Variants in CSN2 observed in about 807,000 individuals in gnomAD.
CSN2 encodes casein beta.
Under a neutral mutation model 27.3 loss-of-function variants are expected in CSN2, and 27 were observed. The observed-to-expected ratio is 0.99, with a 90% CI of 0.73 to 1.36. CSN2 has a LOEUF of 1.36. Ranked by LOEUF, CSN2 falls within the 40% of genes most tolerant of loss-of-function variation. The pLI, the probability that CSN2 is intolerant of heterozygous loss-of-function variation, is 0.00. For synonymous variants in CSN2, 131 were observed against 94.8 expected (o/e 1.38, Z -2.22); for missense variants, 333 against 264.5 (o/e 1.26, Z -1.80).
Position 69,957,515 on chromosome 4 carries a change from A to G in CSN2, c.434T>C (p.Leu145Pro), listed in dbSNP as rs2109742078. Residue 145 changes from leucine to proline, a missense_variant, in exon 6 of 8, where the codon CTG becomes CCG. Leu to Pro is a moderately conservative substitution (Grantham distance 98, BLOSUM62 -3). Coordinates refer to ENST00000353151, the MANE Select transcript of CSN2 (RefSeq NM_001891.4). Reference protein sequence around the residue: ...DLENLHLPLPLLQPLMQQVPQ... With the variant: ...DLENLHLPLPPLQPLMQQVPQ... Reference sequence around the variant, plus strand: ...GACCTGCTGCATCAAGGGCTGGAGCAGAGGCAGAGGAAGATGCAGATTTTC... The same window carrying G: ...GACCTGCTGCATCAAGGGCTGGAGCGGAGGCAGAGGAAGATGCAGATTTTC... 1 of 1,613,988 alleles carries G rather than the reference A, an allele frequency of 6.2e-7. No homozygotes were observed. Among genetic ancestry groups the G allele is most frequent in the Non-Finnish European group, 8.5e-7 (1 of 1,180,002 alleles).
intron 2 of CSN2, 85 bp from the exon 3 acceptor site, chr4:69,960,164 A>G: frequency 7.8e-7 from 1 of 1,283,394 alleles, no homozygotes; most frequent in Non-Finnish European, 1.1e-6. Context: ...AATTTTCTCT[A>G]AAAAAATAAT....
At chr4:69,963,618 G>A (rs547140290) in intron 1 of CSN2, among the ~76,000 whole-genome samples, 91 of 152,176 alleles carry the variant, frequency 6.0e-4, no homozygotes, top group African/African-American at 2.1e-3. Context: ...GATAGCATTA[G>A]GAGATATACC....
chr4:69,963,933 C>T (rs1056567078), intron 1 of CSN2, among the ~76,000 whole-genome samples: 3 of 152,076 alleles, frequency 2.0e-5, no homozygotes, highest in African/African-American at 4.8e-5. Flanking sequence ...AAAATGTGTA[C>T]AAAAAAGTCA....
At chr4:69,959,984 A>G (rs1723518780) in intron 3 of CSN2, 69 bp downstream of exon 3, 3 of 1,396,010 alleles carry the variant, frequency 2.1e-6, no homozygotes, top group Non-Finnish European at 1.0e-6. Flanking sequence ...CTTAACTGCC[A>G]TGATGTAACA....
intron 6 of CSN2, among the ~76,000 whole-genome samples, chr4:69,956,675 A>G (rs1341018991): frequency 1.3e-5 from 2 of 152,192 alleles, no homozygotes; most frequent in Admixed American, 6.6e-5. Flanking sequence ...GGAAAATGAC[A>G]GAACATTTTT....
chr4:69,956,922 G>A (rs764815728), intron 6 of CSN2, among the ~76,000 whole-genome samples: 1 of 152,036 alleles, frequency 6.6e-6, no homozygotes, highest in Non-Finnish European at 1.5e-5. Context: ...TGATTCTATT[G>A]TATAGGTAAG....
At position 69,960,096 on chromosome 4, in the gene CSN2, T is replaced by A. The variant is rs1455336945; in HGVS notation, c.52-17A>T. 2 of 1,605,034 alleles carry A rather than the reference T, an allele frequency of 1.2e-6. No individual in the cohort carries two copies. The highest frequency in any genetic ancestry group is 1.1e-5 in the South Asian group (1 of 90,574). On this transcript the variant is annotated splice_polypyrimidine_tract_variant and intron_variant, in intron 2 of 7. Transcript: ENST00000353151. ...TTCTATGGTCTGTGGGAAAAAAAAA[T>A]TGACAACCAGCTAAATCTTCTAGAT...
chr4:69,956,848 A>G (rs1396626674), intron 6 of CSN2, among the ~76,000 whole-genome samples: 2 of 152,322 alleles, frequency 1.3e-5, no homozygotes, highest in African/African-American at 4.8e-5. Context: ...AAAAACTAGA[A>G]CAATTATATC....
At chr4:69,959,774 T>C (rs550580817) in intron 3 of CSN2, among the ~76,000 whole-genome samples, 42 of 151,834 alleles carry the variant, frequency 2.8e-4, no homozygotes, top group Non-Finnish European at 5.2e-4. Context: ...GGTGAATAAG[T>C]TCAGAGTAAA....
At chr4:69,962,720 C>A (rs1345317047) in intron 1 of CSN2, among the ~76,000 whole-genome samples, 5 of 151,924 alleles carry the variant, frequency 3.3e-5, no homozygotes, top group East Asian at 1.9e-4. Flanking sequence ...GCAACAAAAG[C>A]CAAAATTGAC....
chr4:69,962,532 A>G (rs1428145749), intron 1 of CSN2, among the ~76,000 whole-genome samples: 4 of 152,218 alleles, frequency 2.6e-5, no homozygotes, highest in Admixed American at 1.3e-4. Context: ...GGCTAGCCAT[A>G]TGTAGAAAGC....
At chr4:69,963,094 T>G (rs1446850718) in intron 1 of CSN2, among the ~76,000 whole-genome samples, 1 of 151,696 alleles carries the variant, frequency 6.6e-6, no homozygotes, top group African/African-American at 2.4e-5. Flanking sequence ...CAACAGGTGC[T>G]GGAGAGGATG....
chr4:69,957,774 AAG>A lies in CSN2; in HGVS notation c.173_174del (p.Ser58PhefsTer12). The A allele has an allele frequency of 6.2e-7, 1 of 1,613,698 alleles. No homozygotes were observed. The highest frequency in any genetic ancestry group is 8.5e-7 in the Non-Finnish European group (1 of 1,179,780). ...GGATAGATCAGAGGCTGTGGCTGGA[AAG>A]AGGGGTAGATTTTATCCTGGTGTTC... The part of the protein sequence containing the change: ...EDEHQDKIYP[S>X]FQPQPLIYPF... On this transcript the variant is annotated frameshift_variant, in exon 6 of 8. Coordinates refer to ENST00000353151, the MANE Select transcript of CSN2 (RefSeq NM_001891.4). LOFTEE classifies it high-confidence loss of function.
rs1384285160 is a variant in CSN2, at chr4:69,955,338, A to G, written c.*291T>C. 6.6e-6 allele frequency: 1 copy of G among 152,484 alleles called. No homozygotes were observed. The highest frequency in any genetic ancestry group is 1.5e-5 in the Non-Finnish European group (1 of 67,946). 9.4% of individuals were successfully genotyped at this position (152,484 alleles called of 1,614,324 possible). A position where few individuals can be genotyped will look rare whatever the true frequency, so the allele number is the denominator to read the frequency against. Reference sequence around the variant, plus strand: ...AAAAATAAGCACAATTCCAGAAACAATTTGTATACATATGTTTGATATGTT... The same window carrying G: ...AAAAATAAGCACAATTCCAGAAACAGTTTGTATACATATGTTTGATATGTT... On this transcript the variant is annotated 3_prime_UTR_variant, in exon 8 of 8. Coordinates refer to ENST00000353151, the MANE Select transcript of CSN2 (RefSeq NM_001891.4).
intron 2 of CSN2, 90 bp from the exon 3 acceptor site, chr4:69,960,169 A>G: frequency 8.1e-7 from 1 of 1,230,686 alleles, no homozygotes; most frequent in Non-Finnish European, 1.2e-6. Context: ...TCTCTAAAAA[A>G]ATAATCTCAC....
At chr4:69,961,569 G>T (rs962812668) in intron 1 of CSN2, among the ~76,000 whole-genome samples, 1 of 152,106 alleles carries the variant, frequency 6.6e-6, no homozygotes, top group African/African-American at 2.4e-5. Context: ...TTTAGGTATT[G>T]ATGGGACATA....
At chr4:69,963,533 A>G (rs1236499169) in intron 1 of CSN2, among the ~76,000 whole-genome samples, 1 of 152,104 alleles carries the variant, frequency 6.6e-6, no homozygotes, top group African/African-American at 2.4e-5. Flanking sequence ...TGGGAATTGA[A>G]CAATGGGAAC....
intron 2 of CSN2, 129 bp downstream of exon 2, chr4:69,960,816 A>T (rs1295409803): frequency 5.4e-6 from 4 of 736,548 alleles, no homozygotes; most frequent in Non-Finnish European, 8.9e-6. Flanking sequence ...TTTTGATAGA[A>T]GCCAAGAGAA....
At chr4:69,962,294 G>A (rs1723621925) in intron 1 of CSN2, among the ~76,000 whole-genome samples, 1 of 152,062 alleles carries the variant, frequency 6.6e-6, no homozygotes, top group South Asian at 2.1e-4. Context: ...TAAGCCAAAA[G>A]AACAAAGCTG....
Sources: gnomAD v4.1 joint callset for allele counts (sites outside exome capture counted in the v4.1 genomes callset) on GRCh38, gnomAD v4.1.1 for gene constraint, MANE v1.5 for transcripts, NCBI Gene and HGNC (gene_info 2026-07-23, HGNC 2026-07-21) for gene names.